Variants in SH3KBP1 observed in about 807,000 individuals in gnomAD.
SH3KBP1 encodes SH3 domain containing kinase binding protein 1.
SH3KBP1 carries 8 observed loss-of-function variants against 50.1 expected under a neutral mutation model. That is an observed-to-expected ratio of 0.16 (90% CI 0.09 to 0.29). SH3KBP1 has a LOEUF of 0.29. Ranked by LOEUF, SH3KBP1 falls within the 10% of genes least tolerant of loss-of-function variation. SH3KBP1 has a pLI of 1.00. For synonymous variants in SH3KBP1, 227 were observed against 218.6 expected (o/e 1.04, Z -0.34); for missense variants, 377 against 535.2 (o/e 0.70, Z 2.92).
intron 2 of SH3KBP1, among the ~76,000 whole-genome samples, chrX:19,810,536 C>A (rs1346502135): frequency 8.9e-6 from 1 of 111,859 alleles, no homozygotes; most frequent in African/African-American, 3.3e-5. Flanking sequence ...GCCTGAGAAC[C>A]ATCACTTGTC....
intron 1 of SH3KBP1, 152 bp downstream of exon 1, chrX:19,887,155 T>C (rs1162279263): frequency 4.8e-6 from 2 of 413,233 alleles, no homozygotes; most frequent in Admixed American, 6.6e-5. Context: ...TGGGAGTGAA[T>C]GGGGGTGCGC....
chrX:19,699,740 T>C (rs887626467), intron 4 of SH3KBP1, among the ~76,000 whole-genome samples: 1 of 112,103 alleles, frequency 8.9e-6, no homozygotes, highest in Non-Finnish European at 1.9e-5. Flanking sequence ...CTTAACCCTG[T>C]TGGAGATTGG....
chrX:19,546,896 G>A (rs1324587679), intron 14 of SH3KBP1, among the ~76,000 whole-genome samples: 3 of 111,687 alleles, frequency 2.7e-5, no homozygotes, highest in Non-Finnish European at 5.6e-5. Context: ...GCTCACGACC[G>A]TAATCCCAAC....
At chrX:19,539,953 C>T (rs1025711225) in intron 16 of SH3KBP1, among the ~76,000 whole-genome samples, 2 of 111,268 alleles carry the variant, frequency 1.8e-5, no homozygotes, top group East Asian at 2.8e-4. Flanking sequence ...TGTGGCAGCC[C>T]GGAAGCACAG....
Position 19,635,527 on chromosome X carries a change from T to A in SH3KBP1, c.803-3569A>T, listed in dbSNP as rs184215501. ...CAAACCTGCACATTCTGCACGTGTA[T>A]CCCGTTTTTTTTTTTTTAGAAGAAA... is the stretch of plus-strand genomic sequence containing the variant. On this transcript the variant is annotated intron_variant, in intron 7 of 17. Coordinates refer to ENST00000397821, the MANE Select transcript of SH3KBP1 (RefSeq NM_031892.3). Among the ~76,000 whole-genome samples, 806 of 105,889 alleles carry A rather than the reference T, an allele frequency of 7.6e-3. 18 individuals are homozygous for A. Among genetic ancestry groups the A allele is most frequent in the Admixed American group, 0.075 (729 of 9,728 alleles). The allele number at this position is 105,889 out of a possible 115,157, so 92.0% of individuals were successfully genotyped here.
intron 6 of SH3KBP1, among the ~76,000 whole-genome samples, chrX:19,683,053 G>A (rs1393358456): frequency 8.9e-6 from 1 of 111,796 alleles, no homozygotes; most frequent in Non-Finnish European, 1.9e-5. Flanking sequence ...CATGCCTTAA[G>A]CACAGCACGA....
At chrX:19,849,470 C>G (rs2068446654) in intron 1 of SH3KBP1, among the ~76,000 whole-genome samples, 1 of 110,341 alleles carries the variant, frequency 9.1e-6, no homozygotes, top group Non-Finnish European at 1.9e-5. Flanking sequence ...GGACGGATCA[C>G]TTGAGGTCAG....
chrX:19,761,877 T>C (rs900687), intron 2 of SH3KBP1, among the ~76,000 whole-genome samples: 28,858 of 111,936 alleles, frequency 0.26, 3,619 homozygotes, highest in African/African-American at 0.5. Flanking sequence ...ACTCTTACTA[T>C]GTGTGCTATA....
chrX:19,630,396 G>A (rs762811105), intron 8 of SH3KBP1, among the ~76,000 whole-genome samples: 20 of 112,176 alleles, frequency 1.8e-4, no homozygotes, highest in East Asian at 8.4e-4. Flanking sequence ...TCCTTATTCC[G>A]CTTGTTTGGT....
chrX:19,841,417 T>A (rs2068215430), intron 1 of SH3KBP1, among the ~76,000 whole-genome samples: 1 of 112,613 alleles, frequency 8.9e-6, no homozygotes, highest in Non-Finnish European at 1.9e-5. Flanking sequence ...AAGTTTCCAA[T>A]TAATTTCCTC....
chrX:19,814,625 GTTC>G (rs772224207), intron 2 of SH3KBP1, among the ~76,000 whole-genome samples: 6 of 111,743 alleles, frequency 5.4e-5, no homozygotes, highest in Non-Finnish European at 1.1e-4. Flanking sequence ...TCCCCACAAA[GTTC>G]TTCCTCACAT....
chrX:19,626,789 A>T (rs762252312), intron 8 of SH3KBP1, among the ~76,000 whole-genome samples: 12 of 110,409 alleles, frequency 1.1e-4, no homozygotes, highest in Non-Finnish European at 1.3e-4. Flanking sequence ...GGCTGGTCTC[A>T]AACTCCCAGG....
rs181630473 is a variant in SH3KBP1, at chrX:19,542,227, C to T, written c.1624-34G>A. 84 of 1,133,227 alleles carry T rather than the reference C, an allele frequency of 7.4e-5. No individual in the cohort carries two copies. The African/African-American group carries it at 8.8e-4, about 12-fold the overall frequency. 93.4% of individuals were successfully genotyped at this position (1,133,227 alleles called of 1,213,427 possible). On this transcript the variant is annotated intron_variant, in intron 15 of 17. Coordinates refer to ENST00000397821, the MANE Select transcript of SH3KBP1 (RefSeq NM_031892.3). ...AGGGAAGGCAGGGAGGGTTCAGGGC[C>T]GGGGATTTGTGTGCTGCGTCTTTGT...
intron 1 of SH3KBP1, among the ~76,000 whole-genome samples, chrX:19,850,690 C>A (rs1452983545): frequency 9.0e-6 from 1 of 111,007 alleles, no homozygotes; most frequent in Non-Finnish European, 1.9e-5. Flanking sequence ...GTAAGAATTG[C>A]GTGCTGAAAC....
intron 1 of SH3KBP1, among the ~76,000 whole-genome samples, chrX:19,839,232 A>G (rs1357935254): frequency 2.7e-5 from 3 of 110,756 alleles, no homozygotes; most frequent in Non-Finnish European, 5.7e-5. Flanking sequence ...AAGCCTAATA[A>G]TAACAGCGTA....
intron 5 of SH3KBP1, among the ~76,000 whole-genome samples, chrX:19,691,024 C>G (rs2148620868): frequency 8.9e-6 from 1 of 111,799 alleles, no homozygotes; most frequent in African/African-American, 3.2e-5. Flanking sequence ...AAGATTCTGC[C>G]TACACTATTA....
intron 6 of SH3KBP1, among the ~76,000 whole-genome samples, chrX:19,677,146 T>G (rs1291663053): frequency 8.9e-6 from 1 of 111,822 alleles, no homozygotes; most frequent in Non-Finnish European, 1.9e-5. Context: ...AACCCAGCAT[T>G]ATTCTATATA....
chrX:19,658,303 G>A (rs753920463), intron 6 of SH3KBP1, among the ~76,000 whole-genome samples: 39 of 111,183 alleles, frequency 3.5e-4, no homozygotes, highest in South Asian at 7.6e-4. Flanking sequence ...CATTCACCTC[G>A]GTCTTATCTG....
chrX:19,560,406 A>C (rs2065636023), intron 13 of SH3KBP1, among the ~76,000 whole-genome samples: 2 of 111,988 alleles, frequency 1.8e-5, no homozygotes, highest in Non-Finnish European at 3.8e-5. Context: ...CAGCTAAAAG[A>C]AATGGACAGG....
Sources: allele counts gnomAD v4.1 joint callset (sites outside exome capture counted in the v4.1 genomes callset), GRCh38; gene constraint gnomAD v4.1.1; transcripts MANE v1.5; gene names NCBI Gene and HGNC (gene_info 2026-07-23, HGNC 2026-07-21).